FER1L6: variants seen among roughly 807,000 people sequenced by gnomAD.
The protein encoded by FER1L6 is fer-1-like protein 6.
A neutral mutation model predicts 219.2 loss-of-function variants in FER1L6; 177 were observed. The ratio of observed to expected loss-of-function variants is 0.81; its 90% CI spans 0.71 to 0.91. The LOEUF (loss-of-function observed/expected upper bound fraction) is 0.91. Among genes scored for constraint, FER1L6 ranks in the 40% least tolerant of loss-of-function variants. The probability of loss-of-function intolerance (pLI) is 0.00; values close to 1 mark genes in which losing one functional copy is unlikely to be tolerated. For synonymous variants in FER1L6, 768 were observed against 824.3 expected, an observed-to-expected ratio of 0.93 and a Z score of 1.17; for missense variants, 2,153 against 2,259.9, an observed-to-expected ratio of 0.95 and a Z score of 0.96.
intron 11 of FER1L6, 152 bp downstream of exon 11, chr8:123,980,963 C>G (rs1816298907): frequency 1.6e-6 from 1 of 643,268 alleles, no homozygotes; most frequent in African/African-American, 1.8e-5. Context: ...TCAGGCTGAT[C>G]CTCTGCCCCC....
chr8:124,057,181 TCTCA>T (rs1251395805), intron 22 of FER1L6, among the ~76,000 whole-genome samples: 2 of 152,272 alleles, frequency 1.3e-5, no homozygotes, highest in African/African-American at 2.4e-5. Flanking sequence ...TTTGCCATAA[TCTCA>T]CTATTTGACG....
intron 1 of FER1L6, among the ~76,000 whole-genome samples, chr8:123,910,263 T>TA (rs1330746908): frequency 6.6e-6 from 1 of 152,226 alleles, no homozygotes; most frequent in African/African-American, 2.4e-5. Flanking sequence ...GAGCTGGAGA[T>TA]ATTCTCCTGT....
intron 12 of FER1L6, among the ~76,000 whole-genome samples, chr8:123,999,503 G>C (rs1390920656): frequency 6.6e-6 from 1 of 152,028 alleles, no homozygotes; most frequent in East Asian, 1.9e-4. Context: ...AAATTAGCCA[G>C]GTGTCAGAAA....
intron 34 of FER1L6, among the ~76,000 whole-genome samples, chr8:124,092,346 C>T (rs10106600): frequency 0.83 from 126,911 of 152,214 alleles, 53,021 homozygotes; most frequent in Non-Finnish European, 0.86. Context: ...TTCTATAGTA[C>T]AGGTCACAGA....
chr8:123,965,133 T>A (rs1815478220), intron 3 of FER1L6, among the ~76,000 whole-genome samples: 1 of 152,232 alleles, frequency 6.6e-6, no homozygotes, highest in East Asian at 1.9e-4. Flanking sequence ...GAATTCTTAT[T>A]TTTACTTTCA....
In FER1L6 at chr8:123,970,071, CT is replaced by C. The variant is rs758202939; in HGVS notation, c.426del (p.Phe142LeufsTer14). ...CGACTTCATTGGGCCCCAAGTGCAT[CT>C]TTTTGACAAGATCATCAAAATCTCC... The part of the protein sequence containing the change: ...VFDFIGPQVH[L>X]FDKIIKISVF... On this transcript the variant is annotated frameshift_variant, in exon 6 of 41. Coordinates refer to ENST00000522917, the MANE Select transcript of FER1L6 (RefSeq NM_001039112.2). LOFTEE classifies it high-confidence loss of function. The C allele has an allele frequency of 2.5e-6, 4 of 1,613,914 alleles. No homozygotes were observed. The East Asian group carries it at 8.9e-5, about 36-fold the overall frequency.
intron 18 of FER1L6, among the ~76,000 whole-genome samples, chr8:124,033,531 A>G (rs1253136219): frequency 6.6e-6 from 1 of 151,976 alleles, no homozygotes; most frequent in Non-Finnish European, 1.5e-5. Context: ...CTGGCATCCT[A>G]CTGCTTAAAG....
intron 1 of FER1L6, among the ~76,000 whole-genome samples, chr8:123,948,898 C>G (rs1007357887): frequency 6.6e-6 from 1 of 151,840 alleles, no homozygotes; most frequent in Non-Finnish European, 1.5e-5. Context: ...TCAGAAAATT[C>G]TCTGTTCCTC....
chr8:123,927,317 C>G (rs1409554349), intron 1 of FER1L6, among the ~76,000 whole-genome samples: 1 of 152,098 alleles, frequency 6.6e-6, no homozygotes, highest in East Asian at 1.9e-4. Flanking sequence ...AAGTCAGTAA[C>G]AATAGCAAAT....
Position 124,013,541 on chromosome 8 carries a change from G to C in FER1L6, c.1922+10G>C. The C allele has an allele frequency of 1.3e-6, 2 of 1,575,322 alleles. No homozygotes were observed. Among genetic ancestry groups the C allele is most frequent in the Non-Finnish European group, 8.6e-7 (1 of 1,163,262 alleles). The stretch of plus-strand genomic sequence containing the variant: ...TCATCAGTCGGAGCAGGTACCGGGA[G>C]AGACAGCCGGCATAGGCGGAGCTGA... On this transcript the variant is annotated intron_variant, in intron 15 of 40. Coordinates refer to ENST00000522917, the MANE Select transcript of FER1L6 (RefSeq NM_001039112.2).
chr8:123,929,526 G>A (rs554624293), intron 1 of FER1L6, among the ~76,000 whole-genome samples: 2 of 152,208 alleles, frequency 1.3e-5, no homozygotes, highest in Non-Finnish European at 2.9e-5. Flanking sequence ...TTTCTAGGGA[G>A]GAAGTCTGCA....
chr8:124,049,117 G>T (rs976808706), intron 21 of FER1L6, among the ~76,000 whole-genome samples: 1 of 151,198 alleles, frequency 6.6e-6, no homozygotes, highest in African/African-American at 2.4e-5. Context: ...GTGCGATCTC[G>T]GCTTACTGCA....
chr8:123,995,601 T>C (rs1398051733), intron 12 of FER1L6, among the ~76,000 whole-genome samples: 1 of 152,122 alleles, frequency 6.6e-6, no homozygotes, highest in East Asian at 1.9e-4. Context: ...TTTTATCTTT[T>C]CAAAAAACCA....
At chr8:123,919,536 G>A (rs564432784) in intron 1 of FER1L6, among the ~76,000 whole-genome samples, 2 of 152,310 alleles carry the variant, frequency 1.3e-5, no homozygotes, top group African/African-American at 4.8e-5. Context: ...ATGGCTGGAG[G>A]AGCCACCTCT....
chr8:124,071,662 G>A (rs1421468903), intron 31 of FER1L6, 31 bp downstream of exon 31: 25 of 1,597,844 alleles, frequency 1.6e-5, no homozygotes, highest in East Asian at 2.2e-5. Context: ...CTGAGGGGGT[G>A]TATTTATCTG....
chr8:124,100,162 G>A (rs569841068), intron 37 of FER1L6, among the ~76,000 whole-genome samples: 1 of 152,330 alleles, frequency 6.6e-6, no homozygotes, highest in East Asian at 1.9e-4. Flanking sequence ...TGGGAAGGAA[G>A]GATGTCTGCT....
intron 39 of FER1L6, among the ~76,000 whole-genome samples, chr8:124,116,354 T>C (rs61354499): frequency 0.041 from 3,874 of 93,558 alleles, 316 homozygotes; most frequent in African/African-American, 0.16. Flanking sequence ...CCAAAAAGGG[T>C]ATGCATGAAA....
chr8:123,979,265 C>T (rs1018089271), intron 10 of FER1L6, among the ~76,000 whole-genome samples: 28 of 152,178 alleles, frequency 1.8e-4, no homozygotes, highest in Non-Finnish European at 3.1e-4. Context: ...GTGAAGCACT[C>T]AATTGATAGT....
At position 123,881,981 on chromosome 8, in the gene FER1L6, C is replaced by T. The variant is rs16898983; in HGVS notation, c.-8+29796C>T. Among the ~76,000 whole-genome samples the T allele has an allele frequency of 7.0e-3, 1,066 of 152,274 alleles. 17 individuals carry two copies. Among genetic ancestry groups the T allele is most frequent in the African/African-American group, 0.025 (1,037 of 41,560 alleles). Reference sequence around the variant, plus strand: ...TAAAAGCTAATCACTGTTTCACAACCTTTCTATCATCACTTTTGAACTACT... The same window carrying T: ...TAAAAGCTAATCACTGTTTCACAACTTTTCTATCATCACTTTTGAACTACT... On this transcript the variant is annotated intron_variant, in intron 1 of 40. Coordinates refer to ENST00000522917, the MANE Select transcript of FER1L6 (RefSeq NM_001039112.2).
Sources: allele counts gnomAD v4.1 joint callset (sites outside exome capture counted in the v4.1 genomes callset), GRCh38; gene constraint gnomAD v4.1.1; transcripts MANE v1.5; gene names NCBI Gene and HGNC (gene_info 2026-07-23, HGNC 2026-07-21).